PSMA5: variants seen among roughly 807,000 people sequenced by gnomAD.
PSMA5 encodes proteasome 20S subunit alpha 5, also known as proteasome subunit alpha type-5.
Under a neutral mutation model 34.5 loss-of-function variants are expected in PSMA5, and 3 were observed. That is an observed-to-expected ratio of 0.09 (90% CI 0.04 to 0.22). The LOEUF is 0.22. PSMA5 is among the 10% of genes least tolerant of loss of function. The probability of loss-of-function intolerance (pLI) is 1.00; values close to 1 mark genes in which losing one functional copy is unlikely to be tolerated. For synonymous variants in PSMA5, 88 were observed against 95.8 expected, an observed-to-expected ratio of 0.92 and a Z score of 0.47; for missense variants, 120 against 286.1, an observed-to-expected ratio of 0.42 and a Z score of 4.19.
At chr1:109,413,808 C>T (rs1024052010) in intron 3 of PSMA5, among the ~76,000 whole-genome samples, 1 of 152,202 alleles carries the variant, frequency 6.6e-6, no homozygotes. Context: ...CCCTCACAAT[C>T]AATCAGATCA....
chr1:109,410,072 C>T, intron 7 of PSMA5, 58 bp from the exon 8 acceptor site: 1 of 1,149,344 alleles, frequency 8.7e-7, no homozygotes, highest in Non-Finnish European at 1.3e-6. Flanking sequence ...GTCCTTCCTT[C>T]AAAGATTTTC....
At chr1:109,402,596 T>C (rs906274744) in intron 8 of PSMA5, among the ~76,000 whole-genome samples, 2 of 152,210 alleles carry the variant, frequency 1.3e-5, no homozygotes, top group Admixed American at 6.5e-5. Flanking sequence ...TTAATATATA[T>C]AAAGTGCTTA....
intron 6 of PSMA5, 111 bp from the exon 7 acceptor site, chr1:109,411,224 C>A: frequency 1.5e-6 from 1 of 677,974 alleles, no homozygotes; most frequent in South Asian, 1.9e-5. Context: ...CCAGGAAACA[C>A]CACTGAAATA....
intron 4 of PSMA5, chr1:109,412,502 T>C: frequency 4.1e-6 from 1 of 244,254 alleles, no homozygotes; most frequent in Non-Finnish European, 8.0e-6. Context: ...TCTAGCTTAT[T>C]CTGTTGATGT....
At chr1:109,413,195 C>T (rs1299371628) in intron 3 of PSMA5, 60 bp from the exon 4 acceptor site, 1 of 1,501,462 alleles carries the variant, frequency 6.7e-7, no homozygotes, top group Non-Finnish European at 9.3e-7. Flanking sequence ...CTTTCATCCA[C>T]TCAGGAAATC....
chr1:109,413,265 A>G lies in PSMA5; in HGVS notation c.224-130T>C, dbSNP rs1218341429. ...AGCTATCCCATGGCATTTTATACCC[A>G]AAAGATTAGATAGGAAATGATCTGC... On this transcript the variant is annotated intron_variant, in intron 3 of 8. Transcript: ENST00000271308. The G allele has an allele frequency of 7.9e-6, 6 of 761,294 alleles. No individual in the cohort carries two copies. In the African/African-American group the frequency reaches 1.0e-4, roughly 13 times the overall value. 47.2% of individuals were successfully genotyped at this position (761,294 alleles called of 1,614,324 possible). A position where few individuals can be genotyped will look rare whatever the true frequency, so the allele number is the denominator to read the frequency against.
At chr1:109,416,953 T>C (rs1303321139) in intron 2 of PSMA5, among the ~76,000 whole-genome samples, 5 of 151,934 alleles carry the variant, frequency 3.3e-5, no homozygotes, top group Non-Finnish European at 5.9e-5. Flanking sequence ...AAAAATACAA[T>C]AATTAGCCAG....
At chr1:109,412,504 T>C (rs1654032271) in intron 4 of PSMA5, 1 of 241,038 alleles carries the variant, frequency 4.1e-6, no homozygotes, top group Non-Finnish European at 8.1e-6. Flanking sequence ...TAGCTTATTC[T>C]GTTGATGTTC....
intron 3 of PSMA5, among the ~76,000 whole-genome samples, chr1:109,413,741 A>G (rs1218323993): frequency 3.3e-5 from 5 of 152,170 alleles, no homozygotes; most frequent in Non-Finnish European, 1.5e-5. Context: ...TCCTTAATAT[A>G]TCTACTTGGA....
intron 1 of PSMA5, among the ~76,000 whole-genome samples, chr1:109,424,062 G>A (rs1373566491): frequency 1.3e-5 from 2 of 151,952 alleles, no homozygotes; most frequent in Non-Finnish European, 2.9e-5. Context: ...CTTTTCCATT[G>A]CCCCTCCTTC....
At chr1:109,411,995 G>A (rs997547811) in intron 5 of PSMA5, 60 bp from the exon 6 acceptor site, 1 of 1,585,736 alleles carries the variant, frequency 6.3e-7, no homozygotes. Flanking sequence ...AGGTGAGAGG[G>A]GCTGGGAATG....
At chr1:109,404,310 C>CAAATAAAT (rs3060206) in intron 8 of PSMA5, among the ~76,000 whole-genome samples, 255 of 151,786 alleles carry the variant, frequency 1.7e-3, no homozygotes, top group African/African-American at 5.8e-3. Context: ...GATCCTGTCT[C>CAAATAAAT]AAATAAATAA....
intron 3 of PSMA5, among the ~76,000 whole-genome samples, chr1:109,413,594 A>C (rs1230017050): frequency 2.0e-5 from 3 of 152,236 alleles, no homozygotes; most frequent in Non-Finnish European, 2.9e-5. Context: ...GCAACTAGTT[A>C]TATCAGAGAG....
At chr1:109,415,770 T>A (rs1308855344) in intron 2 of PSMA5, among the ~76,000 whole-genome samples, 1 of 152,094 alleles carries the variant, frequency 6.6e-6, no homozygotes, top group Non-Finnish European at 1.5e-5. Flanking sequence ...AAGAAAGTAA[T>A]AAAACTCTTA....
At chr1:109,415,837 A>T (rs1007720201) in intron 2 of PSMA5, among the ~76,000 whole-genome samples, 12 of 152,190 alleles carry the variant, frequency 7.9e-5, no homozygotes, top group African/African-American at 2.9e-4. Flanking sequence ...GGTCTGTCCC[A>T]AGAGGTGATG....
chr1:109,415,134 A>G lies in PSMA5; in HGVS notation c.223+103T>C. 3 of 1,347,484 alleles carry G rather than the reference A, an allele frequency of 2.2e-6. No individual in the cohort carries two copies. The East Asian group carries it at 7.3e-5, about 33-fold the overall frequency. The allele number at this position is 1,347,484 out of a possible 1,614,324, so 83.5% of individuals were successfully genotyped here. On this transcript the variant is annotated intron_variant, in intron 3 of 8. Coordinates refer to ENST00000271308, the MANE Select transcript of PSMA5 (RefSeq NM_002790.4). ...CCTACTGCCTGGAAAATAATAGCTAACAAGGGGATAACGTGTTCATTTCAT... is the reference window on the plus strand; with the variant it reads ...CCTACTGCCTGGAAAATAATAGCTAGCAAGGGGATAACGTGTTCATTTCAT...
chr1:109,422,720 C>T (rs1571032828), intron 1 of PSMA5, among the ~76,000 whole-genome samples: 2 of 152,180 alleles, frequency 1.3e-5, no homozygotes, highest in East Asian at 3.8e-4. Context: ...ATCCACCCGC[C>T]TCGGCCTCCC....
At chr1:109,411,510 A>C (rs1653988001) in intron 6 of PSMA5, among the ~76,000 whole-genome samples, 1 of 152,212 alleles carries the variant, frequency 6.6e-6, no homozygotes, top group African/African-American at 2.4e-5. Context: ...TGGAATCCCC[A>C]AATTTGTGCA....
In PSMA5 at chr1:109,415,453, T is replaced by C. The variant is rs959003628; in HGVS notation, c.97-90A>G. The C allele has an allele frequency of 2.9e-6, 4 of 1,384,034 alleles. No individual in the cohort carries two copies. The South Asian group carries it at 5.1e-5, about 18-fold the overall frequency. 85.7% of individuals were successfully genotyped at this position (1,384,034 alleles called of 1,614,324 possible). ...TAGCTCTCTGTAAATCTTCACATGA[T>C]AGAAACTTCAACTGGCCACATCTTA... On this transcript the variant is annotated intron_variant, in intron 2 of 8. Transcript: ENST00000271308.
Sources: gnomAD v4.1 joint callset for allele counts (sites outside exome capture counted in the v4.1 genomes callset) on GRCh38, gnomAD v4.1.1 for gene constraint, MANE v1.5 for transcripts, NCBI Gene and HGNC (gene_info 2026-07-23, HGNC 2026-07-21) for gene names.